Variants in GALR1 observed in about 807,000 individuals in gnomAD.
GALR1 encodes the protein galanin receptor 1, also known as galanin receptor type 1.
Under a neutral mutation model 17.9 loss-of-function variants are expected in GALR1, and 11 were observed. The ratio of observed to expected loss-of-function variants is 0.62; its 90% confidence interval spans 0.39 to 1.02. The LOEUF is 1.02. GALR1 is among the 50% of genes least tolerant of loss of function. The pLI, the probability that GALR1 is intolerant of heterozygous loss-of-function variation, is 0.01. For missense variants in GALR1, 441 were observed against 456.9 expected (o/e 0.97, Z 0.32); for synonymous variants, 206 against 205.7 (o/e 1.00, Z -0.01).
chr18:77,251,302 G>T, intron 1 of GALR1, 88 bp downstream of exon 1: 1 of 1,501,820 alleles, frequency 6.7e-7, no homozygotes, highest in Non-Finnish European at 8.9e-7. Flanking sequence ...CGGCCCTGCC[G>T]GAGCCTTGGC....
At chr18:77,253,162 T>C (rs1912510479) in intron 1 of GALR1, among the ~76,000 whole-genome samples, 2 of 152,220 alleles carry the variant, frequency 1.3e-5, no homozygotes, top group Admixed American at 1.3e-4. Flanking sequence ...AAAGGCTATC[T>C]TACATAGCAC....
At chr18:77,267,224 G>C (rs115099378) in intron 2 of GALR1, among the ~76,000 whole-genome samples, 241 of 152,342 alleles carry the variant, frequency 1.6e-3, no homozygotes, top group African/African-American at 5.6e-3. Context: ...CACACAGCTA[G>C]CATAATGCTT....
chr18:77,263,995 G>A (rs983550177), intron 2 of GALR1, among the ~76,000 whole-genome samples: 1 of 151,830 alleles, frequency 6.6e-6, no homozygotes, highest in Non-Finnish European at 1.5e-5. Flanking sequence ...ATTAGCCAGC[G>A]TGGTGGCACA....
At chr18:77,263,343 T>G (rs1016219709) in intron 2 of GALR1, among the ~76,000 whole-genome samples, 3 of 152,240 alleles carry the variant, frequency 2.0e-5, no homozygotes, top group Non-Finnish European at 4.4e-5. Flanking sequence ...TATGTAAGCT[T>G]GTACCCTGTA....
Position 77,263,529 on chromosome 18 carries a change from A to G in GALR1, c.733-5056A>G, listed in dbSNP as rs1599362590. ...CAGCTTATGGCATGGCCAGGTGGGA[A>G]CACAGACCTGCTGTCAGTCCTGGGG... On this transcript the variant is annotated intron_variant, in intron 2 of 2. Coordinates refer to ENST00000299727, the MANE Select transcript of GALR1 (RefSeq NM_001480.4). Among the ~76,000 whole-genome samples the G allele has an allele frequency of 2.6e-5, 4 of 152,292 alleles. No homozygotes were observed. In the South Asian group the frequency reaches 8.3e-4, roughly 32 times the overall value.
intron 2 of GALR1, among the ~76,000 whole-genome samples, chr18:77,259,287 G>GTGGTCATGGTGGTGATGA (rs1912749114): frequency 3.0e-5 from 2 of 67,312 alleles, no homozygotes; most frequent in African/African-American, 9.1e-5. Flanking sequence ...GGTGGTCATG[G>GTGGTCATGGTGGTGATGA]TGGTCATGGT....
rs1483000618 is a variant in GALR1, at chr18:77,277,679, T to C, written c.*8777T>C. ...GCCAGATACTGTTATAATTATTCTC[T>C]AGAGAGCTGGCCATACAATTTATCT... On this transcript the variant is annotated 3_prime_UTR_variant, in exon 3 of 3. Coordinates refer to ENST00000299727, the MANE Select transcript of GALR1 (RefSeq NM_001480.4). 3 of 152,244 alleles carry C rather than the reference T, an allele frequency of 2.0e-5. No homozygotes were observed. The highest frequency in any genetic ancestry group is 6.5e-5 in the Admixed American group (1 of 15,278). The allele number at this position is 152,244 out of a possible 1,614,324, so 9.4% of individuals were successfully genotyped here.
intron 2 of GALR1, among the ~76,000 whole-genome samples, chr18:77,259,073 T>C (rs1438620797): frequency 1.9e-4 from 1 of 5,208 alleles, no homozygotes; most frequent in Admixed American, 4.9e-3. Flanking sequence ...GTCATGGTGG[T>C]CATGGTGGCG....
Position 77,269,901 on chromosome 18 carries a change from A to C in GALR1, c.*999A>C, listed in dbSNP as rs567432206. 1 of 152,358 alleles carries C rather than the reference A, an allele frequency of 6.6e-6. No homozygotes were observed. The highest frequency in any genetic ancestry group is 2.1e-4 in the South Asian group (1 of 4,830). The allele number at this position is 152,358 out of a possible 1,614,324, so 9.4% of individuals were successfully genotyped here. On this transcript the variant is annotated 3_prime_UTR_variant, in exon 3 of 3. Coordinates refer to ENST00000299727, the MANE Select transcript of GALR1 (RefSeq NM_001480.4). ...GTTTGATTTAGATGACATTCAAAAA[A>C]AATCATGGGACTGAATATACCTGGG...
intron 1 of GALR1, among the ~76,000 whole-genome samples, chr18:77,255,495 A>G (rs1038377665): frequency 6.6e-6 from 1 of 152,226 alleles, no homozygotes; most frequent in African/African-American, 2.4e-5. Flanking sequence ...AGCACAGCAC[A>G]GTGGGTAGGA....
Position 77,250,435 on chromosome 18 carries a change from C to A in GALR1, c.-114C>A. 8.6e-7 allele frequency: 1 copy of A among 1,157,838 alleles called. No individual in the cohort carries two copies. The highest frequency in any genetic ancestry group is 1.1e-6 in the Non-Finnish European group (1 of 871,588). 71.7% of individuals were successfully genotyped at this position (1,157,838 alleles called of 1,614,324 possible). A position where few individuals can be genotyped will look rare whatever the true frequency, so the allele number is the denominator to read the frequency against. On this transcript the variant is annotated 5_prime_UTR_variant, in exon 1 of 3. Transcript: ENST00000299727. ...TCGCGCCTCGGGGGAAGCTCAGACT[C>A]CTAAACTCGCACTCTCCGTGCTTTG...
At chr18:77,266,103 C>G (rs1912938469) in intron 2 of GALR1, among the ~76,000 whole-genome samples, 1 of 152,136 alleles carries the variant, frequency 6.6e-6, no homozygotes, top group African/African-American at 2.4e-5. Context: ...CGTTTATATG[C>G]TTTGCTTCCC....
chr18:77,265,918 G>T (rs910369938), intron 2 of GALR1, among the ~76,000 whole-genome samples: 1 of 152,138 alleles, frequency 6.6e-6, no homozygotes, highest in African/African-American at 2.4e-5. Flanking sequence ...GTGTGTGATG[G>T]GAAAGGCTGC....
chr18:77,258,986 G>GAT (rs1337107689), intron 2 of GALR1, among the ~76,000 whole-genome samples: 1 of 119,176 alleles, frequency 8.4e-6, no homozygotes, highest in African/African-American at 3.2e-5. Context: ...TGATGGTGGT[G>GAT]GATGGTGGTG....
chr18:77,253,939 C>G (rs1280397793), intron 1 of GALR1: 2 of 152,298 alleles, frequency 1.3e-5, no homozygotes, highest in East Asian at 3.8e-4. Flanking sequence ...AAGTGGTCTG[C>G]CCAGTGCCCC....
In GALR1 at chr18:77,250,834, T is replaced by G; in HGVS notation, c.286T>G (p.Tyr96Asp). Residue 96 changes from tyrosine (Y) to aspartate (D), a missense_variant, in exon 1 of 3, where the codon TAC becomes GAC. Coordinates refer to ENST00000299727, the MANE Select transcript of GALR1 (RefSeq NM_001480.4). The stretch of plus-strand genomic sequence containing the variant: ...CTGCATCCCCTTCCAGGCCACCGTG[T>G]ACGCGCTGCCCACCTGGGTGCTGGG... ...LFCIPFQATVYALPTWVLGAF... is the reference protein window; with the variant it reads ...LFCIPFQATVDALPTWVLGAF... The G allele has an allele frequency of 6.2e-7, 1 of 1,613,632 alleles. No individual in the cohort carries two copies. Among genetic ancestry groups the G allele is most frequent in the Non-Finnish European group, 8.5e-7 (1 of 1,180,004 alleles).
At position 77,268,776 on chromosome 18, in the gene GALR1, A is replaced by T; in HGVS notation, c.924A>T (p.Glu308Asp). Residue 308 changes from glutamate to aspartate, a missense_variant, in exon 3 of 3, where the codon GAA becomes GAT. By Grantham distance (45) the Glu-to-Asp change is conservative (BLOSUM62 2). Coordinates refer to ENST00000299727, the MANE Select transcript of GALR1 (RefSeq NM_001480.4). ...VNPIIYAFLS[E>D]NFRKAYKQVF... ...CTATCATTTATGCATTTCTCTCTGA[A>T]AATTTCAGGAAGGCCTATAAACAAG... 6.2e-7 allele frequency: 1 copy of T among 1,614,116 alleles called. No individual in the cohort carries two copies.
In GALR1 at chr18:77,277,559, C is replaced by T. The variant is rs756787132; in HGVS notation, c.*8657C>T. 10 of 152,304 alleles carry T rather than the reference C, an allele frequency of 6.6e-5. No individual in the cohort carries two copies. Among genetic ancestry groups the T allele is most frequent in the Non-Finnish European group, 8.8e-5 (6 of 68,032 alleles). 9.4% of individuals were successfully genotyped at this position (152,304 alleles called of 1,614,324 possible). On this transcript the variant is annotated 3_prime_UTR_variant, in exon 3 of 3. Coordinates refer to ENST00000299727, the MANE Select transcript of GALR1 (RefSeq NM_001480.4). ...CTTTCTTTAGTAAATTGCCCAGTCT[C>T]GGGTATGTCTTTATCAGCAATGTGA...
intron 2 of GALR1, 41 bp from the exon 3 acceptor site, chr18:77,268,544 C>T: frequency 9.7e-7 from 1 of 1,031,504 alleles, no homozygotes; most frequent in Non-Finnish European, 1.4e-6. Context: ...CCCTTACCGC[C>T]TCCTCCTCCT....
Sources: gnomAD v4.1 joint callset for allele counts (sites outside exome capture counted in the v4.1 genomes callset) on GRCh38, gnomAD v4.1.1 for gene constraint, MANE v1.5 for transcripts, NCBI Gene and HGNC (gene_info 2026-07-23, HGNC 2026-07-21) for gene names.